Variants in SH3RF3 observed in about 807,000 individuals in gnomAD.
The protein encoded by SH3RF3 is SH3 domain containing ring finger 3, also known as E3 ubiquitin-protein ligase SH3RF3.
A neutral mutation model predicts 66.3 loss-of-function variants in SH3RF3; 29 were observed. That is an observed-to-expected ratio of 0.44 (90% confidence interval 0.33 to 0.60). SH3RF3 has a LOEUF of 0.60. SH3RF3 is among the 20% of genes least tolerant of loss of function. The pLI is 0.04. For missense variants in SH3RF3, 1,194 were observed against 1,190.9 expected (o/e 1.00, Z -0.04); for synonymous variants, 583 against 532.0 (o/e 1.10, Z -1.32).
chr2:109,160,206 G>A (rs1032499528), intron 1 of SH3RF3, among the ~76,000 whole-genome samples: 1 of 152,204 alleles, frequency 6.6e-6, no homozygotes, highest in Admixed American at 6.5e-5. Flanking sequence ...TGAGGGTCTT[G>A]TGGGATGAAC....
At chr2:109,452,860 CCGGGAGG>C (rs1677922502) in intron 8 of SH3RF3, among the ~76,000 whole-genome samples, 1 of 148,314 alleles carries the variant, frequency 6.7e-6, no homozygotes, top group African/African-American at 2.5e-5. Context: ...GAGGCTGGTC[CCGGGAGG>C]CTGGTGCCAG....
chr2:109,165,429 C>T (rs892752134), intron 1 of SH3RF3, among the ~76,000 whole-genome samples: 15 of 152,142 alleles, frequency 9.9e-5, no homozygotes, highest in Non-Finnish European at 2.2e-4. Flanking sequence ...CCCACCACCC[C>T]TGCTAGAAGG....
chr2:109,300,729 T>C (rs1681445984), intron 1 of SH3RF3, among the ~76,000 whole-genome samples: 1 of 152,224 alleles, frequency 6.6e-6, no homozygotes, highest in African/African-American at 2.4e-5. Context: ...GAGCACACTC[T>C]TCAGAGCCCA....
chr2:109,243,244 T>C (rs915698389), intron 1 of SH3RF3, among the ~76,000 whole-genome samples: 2 of 152,202 alleles, frequency 1.3e-5, no homozygotes, highest in Non-Finnish European at 2.9e-5. Context: ...GAGGGACCCA[T>C]CAGCAACTGC....
At chr2:109,315,968 G>A (rs1363509390) in intron 1 of SH3RF3, among the ~76,000 whole-genome samples, 2 of 152,316 alleles carry the variant, frequency 1.3e-5, no homozygotes, top group East Asian at 3.9e-4. Context: ...ATTAGCAGAA[G>A]TCTTTTTGGT....
chr2:109,371,249 G>T lies in SH3RF3; in HGVS notation c.850-337G>T, dbSNP rs1466798557. 3.3e-5 allele frequency among the ~76,000 whole-genome samples: 5 copies of T among 152,366 alleles called. No homozygotes were observed. The East Asian group carries it at 9.6e-4, about 29-fold the overall frequency. ...ACCAAAAAATACAAAAATTAGCTGG[G>T]TGTGGTGGCACACGCCTGTAATCCC... is the stretch of plus-strand genomic sequence containing the variant. On this transcript the variant is annotated intron_variant, in intron 2 of 9. Transcript: ENST00000309415.
At chr2:109,440,847 G>A (rs7568486) in intron 7 of SH3RF3, among the ~76,000 whole-genome samples, 14,093 of 152,102 alleles carry the variant, frequency 0.093, 825 homozygotes, top group African/African-American at 0.16. Context: ...CATGAGAAAC[G>A]TACCCAAAGC....
At chr2:109,463,505 T>C (rs1003047505) in intron 8 of SH3RF3, among the ~76,000 whole-genome samples, 3 of 152,318 alleles carry the variant, frequency 2.0e-5, no homozygotes, top group Non-Finnish European at 4.4e-5. Context: ...CCCTCACACA[T>C]CTGTTTCTCA....
intron 1 of SH3RF3, among the ~76,000 whole-genome samples, chr2:109,256,309 G>A (rs1314015384): frequency 2.6e-5 from 4 of 152,226 alleles, no homozygotes; most frequent in African/African-American, 7.2e-5. Context: ...GGAAGTTGAC[G>A]CTGTGACGTA....
intron 1 of SH3RF3, among the ~76,000 whole-genome samples, chr2:109,249,597 CTTTTT>C: frequency 7.2e-6 from 1 of 138,378 alleles, no homozygotes; most frequent in African/African-American, 2.8e-5. Context: ...TCCTTTCTTT[CTTTTT>C]CTTTCTTTCT....
At chr2:109,138,558 C>G (rs1200678760) in intron 1 of SH3RF3, among the ~76,000 whole-genome samples, 1 of 152,208 alleles carries the variant, frequency 6.6e-6, no homozygotes, top group Non-Finnish European at 1.5e-5. Context: ...TGAACTGGAT[C>G]TTTTAGAGAG....
At chr2:109,405,012 C>G (rs1676418444) in intron 4 of SH3RF3, among the ~76,000 whole-genome samples, 1 of 151,234 alleles carries the variant, frequency 6.6e-6, no homozygotes, top group Non-Finnish European at 1.5e-5. Flanking sequence ...AAATACCCCC[C>G]ACCTTCTCTT....
chr2:109,459,290 C>G (rs1032047402), intron 8 of SH3RF3, among the ~76,000 whole-genome samples: 4 of 152,120 alleles, frequency 2.6e-5, no homozygotes, highest in Non-Finnish European at 5.9e-5. Flanking sequence ...ACAACAGTTA[C>G]AATCCTCATT....
chr2:109,447,425 A>G (rs1425964948), intron 7 of SH3RF3, among the ~76,000 whole-genome samples: 2 of 152,178 alleles, frequency 1.3e-5, no homozygotes, highest in Admixed American at 1.3e-4. Context: ...TTGGGGGCTG[A>G]GAAGATTGTT....
intron 8 of SH3RF3, among the ~76,000 whole-genome samples, chr2:109,455,961 C>A (rs979875319): frequency 2.6e-5 from 4 of 152,240 alleles, no homozygotes; most frequent in African/African-American, 9.6e-5. Context: ...AACTGATTCA[C>A]CCACGTGGGA....
At chr2:109,298,492 G>A (rs1314563612) in intron 1 of SH3RF3, among the ~76,000 whole-genome samples, 1 of 152,124 alleles carries the variant, frequency 6.6e-6, no homozygotes, top group African/African-American at 2.4e-5. Context: ...CTGGGTGGGG[G>A]ATGATTTAGG....
intron 4 of SH3RF3, among the ~76,000 whole-genome samples, chr2:109,406,186 T>C (rs988045999): frequency 1.3e-5 from 2 of 152,108 alleles, no homozygotes; most frequent in African/African-American, 4.8e-5. Flanking sequence ...TGGAGTATCA[T>C]TCACATGTCA....
At chr2:109,418,210 G>A (rs559657209) in intron 4 of SH3RF3, among the ~76,000 whole-genome samples, 4 of 152,118 alleles carry the variant, frequency 2.6e-5, no homozygotes, top group Middle Eastern at 3.4e-3. Flanking sequence ...AGGCCTACAC[G>A]GGATCCTAGA....
At chr2:109,499,709 TTCC>T (rs1481469345) in intron 9 of SH3RF3, among the ~76,000 whole-genome samples, 2 of 152,208 alleles carry the variant, frequency 1.3e-5, no homozygotes, top group Admixed American at 6.5e-5. Flanking sequence ...TTCAGCCTTG[TTCC>T]TCCTCCTCTG....
Sources: allele counts gnomAD v4.1 joint callset (sites outside exome capture counted in the v4.1 genomes callset), GRCh38; gene constraint gnomAD v4.1.1; transcripts MANE v1.5; gene names NCBI Gene and HGNC (gene_info 2026-07-23, HGNC 2026-07-21).